GTF2IRD1: variants seen among roughly 807,000 people sequenced by gnomAD.
The protein encoded by GTF2IRD1 is GTF2I repeat domain containing 1.
GTF2IRD1 carries 26 observed loss-of-function variants against 113.2 expected under a neutral mutation model. The ratio of observed to expected loss-of-function variants is 0.23; its 90% CI spans 0.17 to 0.32. The LOEUF (loss-of-function observed/expected upper bound fraction) is 0.32. GTF2IRD1 is among the 10% of genes least tolerant of loss of function. The pLI is 1.00. For synonymous variants in GTF2IRD1, 484 were observed against 529.1 expected (o/e 0.91, Z 1.17); for missense variants, 864 against 1,280.8 (o/e 0.67, Z 4.97).
chr7:74,454,129 G>C lies in GTF2IRD1; in HGVS notation c.-54G>C, dbSNP rs534954000. On this transcript the variant is annotated 5_prime_UTR_variant, in exon 1 of 27. Transcript: ENST00000424337. ...GGCAGGAGGCTGAGTCCTGGCCGCG[G>C]GCCGGGGCCGGGGCGCCGCTGGCAG... The C allele has an allele frequency of 2.6e-5, 4 of 152,322 alleles. No individual in the cohort carries two copies. The South Asian group carries it at 8.3e-4, about 32-fold the overall frequency. The allele number at this position is 152,322 out of a possible 1,614,324, so 9.4% of individuals were successfully genotyped here.
intron 22 of GTF2IRD1, among the ~76,000 whole-genome samples, chr7:74,584,637 A>G (rs1554367167): frequency 6.6e-6 from 1 of 152,120 alleles, no homozygotes; most frequent in Non-Finnish European, 1.5e-5. Flanking sequence ...GTGAATTTAC[A>G]TGGCCAGGGT....
intron 22 of GTF2IRD1, among the ~76,000 whole-genome samples, chr7:74,569,651 G>T (rs1800570547): frequency 6.6e-6 from 1 of 152,170 alleles, no homozygotes; most frequent in African/African-American, 2.4e-5. Flanking sequence ...ACCCACCAAG[G>T]GTGGATTAGA....
At chr7:74,550,385 CA>C (rs1799235803) in intron 17 of GTF2IRD1, among the ~76,000 whole-genome samples, 1 of 150,694 alleles carries the variant, frequency 6.6e-6, no homozygotes, top group Admixed American at 6.7e-5. Flanking sequence ...CTTCTTTCAA[CA>C]AATTCTCAGC....
chr7:74,456,963 C>T (rs1299037000), intron 1 of GTF2IRD1, among the ~76,000 whole-genome samples: 1 of 151,982 alleles, frequency 6.6e-6, no homozygotes, highest in Non-Finnish European at 1.5e-5. Context: ...ATGGTTCCAC[C>T]TTTATATCCC....
intron 22 of GTF2IRD1, among the ~76,000 whole-genome samples, chr7:74,564,727 A>C (rs1800187123): frequency 6.6e-6 from 1 of 151,144 alleles, no homozygotes; most frequent in South Asian, 2.1e-4. Context: ...TGTGTGACAG[A>C]GCGAGGTCTT....
chr7:74,466,675 C>T (rs1554330887), intron 1 of GTF2IRD1, among the ~76,000 whole-genome samples: 1 of 152,178 alleles, frequency 6.6e-6, no homozygotes, highest in Non-Finnish European at 1.5e-5. Context: ...TCATCTCCCT[C>T]TCCAGGTCAC....
chr7:74,599,354 A>G (rs1427888793), intron 25 of GTF2IRD1, among the ~76,000 whole-genome samples: 1 of 152,166 alleles, frequency 6.6e-6, no homozygotes, highest in African/African-American at 2.4e-5. Flanking sequence ...CGTGCTGCTC[A>G]AAGTCTTACA....
chr7:74,576,285 G>A (rs1290433446), intron 22 of GTF2IRD1, among the ~76,000 whole-genome samples: 19 of 152,018 alleles, frequency 1.2e-4, no homozygotes, highest in Admixed American at 1.1e-3. Context: ...CAGGGGCCAG[G>A]TGCAGTGGCT....
At chr7:74,496,580 ATG>A (rs1195485544) in intron 1 of GTF2IRD1, among the ~76,000 whole-genome samples, 4 of 93,380 alleles carry the variant, frequency 4.3e-5, no homozygotes, top group Non-Finnish European at 6.6e-5. Context: ...GTGGGTGTGC[ATG>A]TGTGTGGGTG....
rs1799554278 is a variant in GTF2IRD1, at chr7:74,555,758, A to G, written c.2023+264A>G. Among the ~76,000 whole-genome samples the G allele has an allele frequency of 6.6e-6, 1 of 151,582 alleles. No homozygotes were observed. Among genetic ancestry groups the G allele is most frequent in the African/African-American group, 2.4e-5 (1 of 41,330 alleles). The stretch of plus-strand genomic sequence containing the variant: ...GCCCCCTCCCTGCCCCACCCCCCAG[A>G]GGTAGCTGACACGCCCACTCCTTTT... On this transcript the variant is annotated intron_variant, in intron 19 of 26. Transcript: ENST00000424337. This position sits in a 1 kb window ranked among gnomAD's most constrained non-coding sequence, Gnocchi z 5.3.
chr7:74,554,848 A>T (rs1554356213), intron 17 of GTF2IRD1, among the ~76,000 whole-genome samples: 1 of 152,100 alleles, frequency 6.6e-6, no homozygotes, highest in Non-Finnish European at 1.5e-5. Context: ...TTGTTTCTAC[A>T]CTTTAAACCA....
At chr7:74,597,034 G>A (rs1165989681) in intron 25 of GTF2IRD1, among the ~76,000 whole-genome samples, 1 of 151,864 alleles carries the variant, frequency 6.6e-6, no homozygotes, top group Non-Finnish European at 1.5e-5. Flanking sequence ...ATGACAGAAT[G>A]AGACCCCATC....
rs1197521013 is a variant in GTF2IRD1, at chr7:74,579,447, G to A, written c.2321-10404G>A. Among the ~76,000 whole-genome samples the A allele has an allele frequency of 2.6e-5, 4 of 152,074 alleles. No individual in the cohort carries two copies. The East Asian group carries it at 7.8e-4, about 29-fold the overall frequency. On this transcript the variant is annotated intron_variant, in intron 22 of 26. Transcript: ENST00000424337. The stretch of plus-strand genomic sequence containing the variant: ...AGCCTGACCAACATGATGAAACCCC[G>A]TCTCTACTAAAAATACAAAAATTAG...
intron 4 of GTF2IRD1, among the ~76,000 whole-genome samples, chr7:74,516,693 C>T (rs146367459): frequency 6.6e-6 from 1 of 152,168 alleles, no homozygotes; most frequent in Non-Finnish European, 1.5e-5. Context: ...TCACACTGGC[C>T]ACCCTGGGAT....
chr7:74,530,834 C>T (rs1193252682), intron 9 of GTF2IRD1, among the ~76,000 whole-genome samples: 1 of 152,142 alleles, frequency 6.6e-6, no homozygotes, highest in Non-Finnish European at 1.5e-5. Context: ...AGTTACTTAA[C>T]CACTCTGTGC....
chr7:74,602,332 G>T, intron 26 of GTF2IRD1, 33 bp from the exon 27 acceptor site: 4 of 1,608,194 alleles, frequency 2.5e-6, no homozygotes, highest in Non-Finnish European at 3.4e-6. Context: ...ATCACCTGGA[G>T]TCCTAATCCA....
intron 1 of GTF2IRD1, among the ~76,000 whole-genome samples, chr7:74,478,850 A>G (rs545952139): frequency 6.7e-6 from 1 of 149,286 alleles, no homozygotes; most frequent in Non-Finnish European, 1.5e-5. Context: ...GGCCCAAGCA[A>G]CCCTCCCACC....
intron 22 of GTF2IRD1, among the ~76,000 whole-genome samples, chr7:74,581,790 T>C (rs1583950042): frequency 6.6e-6 from 1 of 152,158 alleles, no homozygotes; most frequent in East Asian, 1.9e-4. Context: ...GTGGATTGCT[T>C]GAGCTTAGGA....
At chr7:74,455,557 C>T (rs1365479915) in intron 1 of GTF2IRD1, among the ~76,000 whole-genome samples, 1 of 152,168 alleles carries the variant, frequency 6.6e-6, no homozygotes, top group African/African-American at 2.4e-5. Flanking sequence ...GAGGAGGTGG[C>T]TGGAGGCTGG....
Sources: gnomAD v4.1 joint callset for allele counts (sites outside exome capture counted in the v4.1 genomes callset) on GRCh38, gnomAD v4.1.1 for gene constraint, Gnocchi (gnomAD v3.1) non-coding constraint, MANE v1.5 for transcripts, NCBI Gene and HGNC (gene_info 2026-07-23, HGNC 2026-07-21) for gene names.